KCTD1: variants seen among roughly 807,000 people sequenced by gnomAD.
The protein encoded by KCTD1 is BTB/POZ domain-containing protein KCTD1.
Under a neutral mutation model 66.0 loss-of-function variants are expected in KCTD1, and 24 were observed. The ratio of observed to expected loss-of-function variants is 0.36; its 90% CI spans 0.26 to 0.51. The LOEUF is 0.51. Ranked by LOEUF, KCTD1 falls within the 20% of genes least tolerant of loss-of-function variation. KCTD1 has a pLI of 0.95. For synonymous variants in KCTD1, 511 were observed against 517.2 expected (o/e 0.99, Z 0.16); for missense variants, 943 against 1,205.2 (o/e 0.78, Z 3.22).
intron 1 of KCTD1, among the ~76,000 whole-genome samples, chr18:26,596,671 T>C (rs1440880219): frequency 6.6e-6 from 1 of 152,236 alleles, no homozygotes; most frequent in African/African-American, 2.4e-5. Context: ...AAATATCAGG[T>C]TCTTCTTCTG....
At chr18:26,528,635 C>T (rs1314368296) in intron 1 of KCTD1, among the ~76,000 whole-genome samples, 1 of 152,166 alleles carries the variant, frequency 6.6e-6, no homozygotes. Flanking sequence ...ACCTCTCAGG[C>T]TCCCTCAATT....
At chr18:26,589,857 G>A (rs1435886016) in intron 1 of KCTD1, among the ~76,000 whole-genome samples, 1 of 152,140 alleles carries the variant, frequency 6.6e-6, no homozygotes, top group Non-Finnish European at 1.5e-5. Flanking sequence ...ATATGTGTCT[G>A]CTGATAAAGG....
At chr18:26,586,878 T>G (rs1470952620) in intron 1 of KCTD1, among the ~76,000 whole-genome samples, 2 of 152,050 alleles carry the variant, frequency 1.3e-5, no homozygotes, top group Non-Finnish European at 2.9e-5. Context: ...CTAGCAGAGG[T>G]TGTTGGTTCA....
At chr18:26,509,134 ATCTTTCTGGTAATTTCACTTAAGT>A (rs1482940674) in intron 1 of KCTD1, among the ~76,000 whole-genome samples, 4 of 140,008 alleles carry the variant, frequency 2.9e-5, no homozygotes, top group South Asian at 2.3e-4. Flanking sequence ...AAAGAAAATA[ATCTTTCTGGTAATTTCACTTAAGT>A]AAAAAAAAAA....
upstream of KCTD1, among the ~76,000 whole-genome samples, chr18:26,631,806 T>G (rs1044725521): frequency 1.3e-5 from 2 of 152,080 alleles, no homozygotes; most frequent in Admixed American, 6.6e-5. Flanking sequence ...CCCAACACTC[T>G]GGGAGGCCGA....
At chr18:26,594,774 G>GGAA (rs1320042720) in intron 1 of KCTD1, among the ~76,000 whole-genome samples, 7 of 152,144 alleles carry the variant, frequency 4.6e-5, no homozygotes, top group African/African-American at 1.7e-4. Context: ...TCATGTGAGT[G>GGAA]GGCCTCATCC....
At chr18:26,497,776 A>T (rs930450150) in intron 2 of KCTD1, among the ~76,000 whole-genome samples, 2 of 152,198 alleles carry the variant, frequency 1.3e-5, no homozygotes, top group Non-Finnish European at 1.5e-5. Flanking sequence ...GCTTGTTTCA[A>T]AGAGTCTTGA....
Position 26,637,326 on chromosome 18 carries a change from T to C in KCTD1, c.-107+2985A>G, listed in dbSNP as rs569315793. On this transcript the variant is annotated intron_variant, in intron 1 of 5. Transcript: ENST00000579973. Reference sequence around the variant, plus strand: ...CAGGACAAAAGAACACTCCAAAGTGTAAACTTTGGCTTTATGTGAACCCCA... The same window carrying C: ...CAGGACAAAAGAACACTCCAAAGTGCAAACTTTGGCTTTATGTGAACCCCA... 3.9e-5 allele frequency among the ~76,000 whole-genome samples: 6 copies of C among 152,308 alleles called. No individual in the cohort carries two copies. The East Asian group carries it at 5.8e-4, about 15-fold the overall frequency.
At position 26,459,853 on chromosome 18, in the gene KCTD1, T is replaced by C. The variant is rs768987908; in HGVS notation, c.2206A>G (p.Lys736Glu). 2.5e-6 allele frequency: 4 copies of C among 1,613,556 alleles called. No homozygotes were observed. The Admixed American group carries it at 5.0e-5, about 20-fold the overall frequency. ...AATCGACCAGTTTCTCTGTCCTGCTTCCATCTTTCCATCTCCAACAACATG... is the reference window on the plus strand; with the variant it reads ...AATCGACCAGTTTCTCTGTCCTGCTCCCATCTTTCCATCTCCAACAACATG... ...QPMLLEMERW[K>E]QDRETGRFSR... is the part of the protein sequence containing the mutation. The change falls in exon 4 of 5, where the codon AAG (lysine) becomes GAG (glutamate). Residue 736 changes from lysine (K) to glutamate (E), a missense_variant. By Grantham distance (56) the Lys-to-Glu change is moderately conservative. Transcript: ENST00000580059.
rs7236491 is a variant in KCTD1 at position 26,460,090 on chromosome 18, T to C, written c.2134-165A>G. On this transcript the variant is annotated intron_variant, in intron 3 of 4. Coordinates refer to ENST00000580059, the MANE Select transcript of KCTD1 (RefSeq NM_001142730.3). ...TTTGTAGAGGCTCAATTTGCATTCA[T>C]TCATTCATTCATTCATTCAGTGAAG... 0.035 allele frequency among the ~76,000 whole-genome samples: 5,331 copies of C among 152,270 alleles called. 317 individuals carry two copies. The highest frequency in any genetic ancestry group is 0.12 in the African/African-American group (5,067 of 41,530).
At chr18:26,615,698 C>T (rs866775094) in intron 1 of KCTD1, among the ~76,000 whole-genome samples, 4 of 152,172 alleles carry the variant, frequency 2.6e-5, no homozygotes, top group Non-Finnish European at 4.4e-5. Context: ...TTCAAATGGG[C>T]ATGTTTTTAT....
chr18:26,533,852 AGCC>A (rs1330128919), intron 1 of KCTD1, among the ~76,000 whole-genome samples: 1 of 149,208 alleles, frequency 6.7e-6, no homozygotes, highest in East Asian at 2.0e-4. Context: ...AAAAAAAGCA[AGCC>A]ATGGAATTTG....
intron 2 of KCTD1, among the ~76,000 whole-genome samples, chr18:26,488,289 T>C (rs1438137949): frequency 6.6e-6 from 1 of 152,156 alleles, no homozygotes; most frequent in East Asian, 1.9e-4. Flanking sequence ...TTTTGTTCCT[T>C]CTGCAATGTA....
chr18:26,600,333 T>C (rs2021421), intron 1 of KCTD1: 769,634 of 1,497,036 alleles, frequency 0.51, 198,857 homozygotes, highest in South Asian at 0.56. Context: ...GCAATCTTCA[T>C]GATGCCTAGG....
chr18:26,461,938 G>A (rs1462867351), intron 3 of KCTD1, among the ~76,000 whole-genome samples: 7 of 152,104 alleles, frequency 4.6e-5, no homozygotes, highest in African/African-American at 1.4e-4. Flanking sequence ...CCAACATGAC[G>A]AAACCCCGTC....
At chr18:26,595,294 C>T (rs1037258017) in intron 1 of KCTD1, among the ~76,000 whole-genome samples, 1 of 152,168 alleles carries the variant, frequency 6.6e-6, no homozygotes, top group Non-Finnish European at 1.5e-5. Context: ...CCTTAGAATT[C>T]CTTCATTCTT....
At chr18:26,531,858 G>A (rs1433212942) in intron 1 of KCTD1, among the ~76,000 whole-genome samples, 2 of 152,186 alleles carry the variant, frequency 1.3e-5, no homozygotes, top group South Asian at 2.1e-4. Context: ...CTAATCCCAC[G>A]ATTCTTTAGC....
At chr18:26,600,326 A>G (rs1986861945) in intron 1 of KCTD1, 1 of 1,533,312 alleles carries the variant, frequency 6.5e-7, no homozygotes, top group East Asian at 2.2e-5. Flanking sequence ...AGCAATAGCA[A>G]TCTTCATGAT....
intron 2 of KCTD1, among the ~76,000 whole-genome samples, chr18:26,497,337 A>C (rs1982529686): frequency 6.6e-6 from 1 of 152,124 alleles, no homozygotes; most frequent in South Asian, 2.1e-4. Flanking sequence ...CAGGGGATCC[A>C]AGAGGGTGGG....
Sources: allele counts gnomAD v4.1 joint callset (sites outside exome capture counted in the v4.1 genomes callset), GRCh38; gene constraint gnomAD v4.1.1; transcripts MANE v1.5; gene names NCBI Gene and HGNC (gene_info 2026-07-23, HGNC 2026-07-21).